Variants in SBF2 observed in about 807,000 individuals in gnomAD.
SBF2 encodes SET binding factor 2.
Under a neutral mutation model 225.2 loss-of-function variants are expected in SBF2, and 112 were observed. The observed-to-expected ratio is 0.50, with a 90% confidence interval of 0.43 to 0.58. The LOEUF (loss-of-function observed/expected upper bound fraction) is 0.58. SBF2 is among the 20% of genes least tolerant of loss of function. The pLI is 0.00. For synonymous variants in SBF2, 763 were observed against 773.3 expected, an observed-to-expected ratio of 0.99 and a Z score of 0.22; for missense variants, 1,996 against 2,206.2, an observed-to-expected ratio of 0.90 and a Z score of 1.91.
At chr11:9,967,963 CTCTCTCTCTATATATATATA>C (rs1212218916) in intron 14 of SBF2, among the ~76,000 whole-genome samples, 2 of 118,932 alleles carry the variant, frequency 1.7e-5, no homozygotes, top group African/African-American at 6.1e-5. Flanking sequence ...CTCTCTCTCT[CTCTCTCTCTATATATATATA>C]TATATATAAA....
intron 2 of SBF2, among the ~76,000 whole-genome samples, chr11:10,112,710 G>A (rs559295360): frequency 6.6e-6 from 1 of 152,280 alleles, no homozygotes; most frequent in Admixed American, 6.5e-5. Flanking sequence ...GAAGAGGTAA[G>A]AGCAGGGAAA....
intron 2 of SBF2, among the ~76,000 whole-genome samples, chr11:10,086,306 G>T (rs1281767981): frequency 2.3e-4 from 35 of 151,946 alleles, no homozygotes; most frequent in Admixed American, 2.3e-3. Flanking sequence ...ATGCCATCCT[G>T]ATTTGAAGAC....
At position 10,266,402 on chromosome 11, in the gene SBF2, T is replaced by C. The variant is rs1253132825; in HGVS notation, c.55+27613A>G. Among the ~76,000 whole-genome samples, 5 of 152,170 alleles carry C rather than the reference T, an allele frequency of 3.3e-5. No homozygotes were observed. In the South Asian group the frequency reaches 1.0e-3, roughly 32 times the overall value. On this transcript the variant is annotated intron_variant, in intron 1 of 39. Transcript: ENST00000256190. ...GACACTGATCACTATGGGGAGGGGATATCCCTGCATGCAGGACAACAGGAC... is the reference window on the plus strand; with the variant it reads ...GACACTGATCACTATGGGGAGGGGACATCCCTGCATGCAGGACAACAGGAC...
upstream of SBF2, among the ~76,000 whole-genome samples, chr11:10,294,486 C>G (rs1964404698): frequency 6.6e-6 from 1 of 152,214 alleles, no homozygotes; most frequent in South Asian, 2.1e-4. Context: ...TCCGCCTTCT[C>G]TATTCTGTTT....
Position 10,121,045 on chromosome 11 carries a change from C to A in SBF2, c.141+72857G>T, listed in dbSNP as rs144000082. On this transcript the variant is annotated intron_variant, in intron 2 of 39. Coordinates refer to ENST00000256190, the MANE Select transcript of SBF2 (RefSeq NM_030962.4). ...CCTCCCAAAGTGCTGGGATTACAGG[C>A]TTGAGCCATCACGCCCCGCCTGTTT... Among the ~76,000 whole-genome samples, 710 of 152,334 alleles carry A rather than the reference C, an allele frequency of 4.7e-3. 8 individuals are homozygous for A. The highest frequency in any genetic ancestry group is 0.016 in the African/African-American group (669 of 41,572).
chr11:9,979,798 A>G (rs1946859527), intron 13 of SBF2, among the ~76,000 whole-genome samples: 2 of 151,736 alleles, frequency 1.3e-5, no homozygotes, highest in African/African-American at 4.8e-5. Flanking sequence ...TTAAAATTGA[A>G]ATTAAATTCA....
At chr11:10,265,058 T>A (rs1322278263) in intron 1 of SBF2, among the ~76,000 whole-genome samples, 1 of 152,162 alleles carries the variant, frequency 6.6e-6, no homozygotes, top group Non-Finnish European at 1.5e-5. Context: ...GCATGTGTCT[T>A]TACAGCAGAA....
chr11:9,850,260 T>C (rs371920375), intron 21 of SBF2, 42 bp from the exon 22 acceptor site: 97 of 1,583,736 alleles, frequency 6.1e-5, no homozygotes, highest in Middle Eastern at 2.2e-4. Context: ...GATTGACTAA[T>C]TGATTGATTT....
rs369772680 is a variant in SBF2 at position 10,260,488 on chromosome 11, G to A, written c.55+33527C>T. 3.6e-4 allele frequency among the ~76,000 whole-genome samples: 55 copies of A among 152,026 alleles called. 1 individual carries two copies. Among genetic ancestry groups the A allele is most frequent in the South Asian group, 2.7e-3 (13 of 4,804 alleles). On this transcript the variant is annotated intron_variant, in intron 1 of 39. Coordinates refer to ENST00000256190, the MANE Select transcript of SBF2 (RefSeq NM_030962.4). The stretch of plus-strand genomic sequence containing the variant: ...TCCTAGCACTTTGGGAGGCCAAGGC[G>A]GGCAGATCACGAGGTCAGGAGATGG...
intron 39 of SBF2, chr11:9,780,805 G>C (rs186705704): frequency 2.4e-6 from 1 of 420,840 alleles, no homozygotes; most frequent in East Asian, 5.4e-5. Flanking sequence ...GGTCAGCAAT[G>C]AATGGTGCCT....
At chr11:9,890,953 G>A (rs1860753724) in intron 17 of SBF2, among the ~76,000 whole-genome samples, 1 of 152,116 alleles carries the variant, frequency 6.6e-6, no homozygotes, top group African/African-American at 2.4e-5. Flanking sequence ...GGCCAACGTG[G>A]TGAATCCCCA....
chr11:9,852,533 T>C, intron 21 of SBF2, 143 bp downstream of exon 21: 1 of 707,044 alleles, frequency 1.4e-6, no homozygotes, highest in Admixed American at 2.0e-5. Context: ...TATGACACAC[T>C]TCTCTGACAG....
intron 2 of SBF2, among the ~76,000 whole-genome samples, chr11:10,079,374 A>G (rs952221058): frequency 2.6e-5 from 4 of 152,226 alleles, no homozygotes; most frequent in Admixed American, 6.5e-5. Context: ...CACCAAAGAT[A>G]TCTACATCCC....
chr11:10,009,454 C>A (rs1948346968), intron 6 of SBF2, among the ~76,000 whole-genome samples: 1 of 152,072 alleles, frequency 6.6e-6, no homozygotes, highest in Non-Finnish European at 1.5e-5. Flanking sequence ...GTTCCCCTCC[C>A]TGTGTCCATG....
intron 2 of SBF2, among the ~76,000 whole-genome samples, chr11:10,185,547 T>C (rs961150779): frequency 6.6e-6 from 1 of 151,850 alleles, no homozygotes; most frequent in East Asian, 1.9e-4. Flanking sequence ...CTCCAACTAC[T>C]AGGCTCAGGT....
intron 3 of SBF2, among the ~76,000 whole-genome samples, chr11:10,041,858 T>C (rs1020761474): frequency 6.6e-6 from 1 of 150,476 alleles, no homozygotes; most frequent in African/African-American, 2.4e-5. Context: ...TTACTCAATA[T>C]CTTCGAAGTC....
chr11:10,098,489 C>T (rs1190225614), intron 2 of SBF2, among the ~76,000 whole-genome samples: 4 of 144,114 alleles, frequency 2.8e-5, no homozygotes, highest in Non-Finnish European at 6.1e-5. Context: ...AAAAAAAAAA[C>T]AAAGAAATAT....
chr11:9,965,467 T>C (rs749657260), intron 14 of SBF2, among the ~76,000 whole-genome samples: 4 of 152,156 alleles, frequency 2.6e-5, no homozygotes, highest in Admixed American at 6.5e-5. Context: ...TTCGTATTTT[T>C]AGTAGAGACA....
intron 1 of SBF2, among the ~76,000 whole-genome samples, chr11:10,247,412 G>A (rs999849740): frequency 6.6e-6 from 1 of 151,980 alleles, no homozygotes; most frequent in Non-Finnish European, 1.5e-5. Context: ...TGGGCATAGT[G>A]GCTCATACCT....
Sources: gnomAD v4.1 joint callset for allele counts (sites outside exome capture counted in the v4.1 genomes callset) on GRCh38, gnomAD v4.1.1 for gene constraint, MANE v1.5 for transcripts, NCBI Gene and HGNC (gene_info 2026-07-23, HGNC 2026-07-21) for gene names.